Variants in GRM7 observed in about 807,000 individuals in gnomAD.
GRM7 encodes the protein metabotropic glutamate receptor 7.
In GRM7, 35 loss-of-function variants were observed where a neutral mutation model predicts 84.5. The ratio of observed to expected loss-of-function variants is 0.41; its 90% CI spans 0.32 to 0.55. The LOEUF is 0.55. GRM7 is among the 20% of genes least tolerant of loss of function. The pLI, the probability that GRM7 is intolerant of heterozygous loss-of-function variation, is 0.19. For missense variants in GRM7, 1,003 were observed against 1,194.6 expected, an observed-to-expected ratio of 0.84 and a Z score of 2.36; for synonymous variants, 487 against 455.1, an observed-to-expected ratio of 1.07 and a Z score of -0.89.
chr3:6,998,118 T>TTAAAAAAAAAAAA (rs1694884902), intron 1 of GRM7, among the ~76,000 whole-genome samples: 2 of 874 alleles, frequency 2.3e-3, no homozygotes, highest in Admixed American at 0.026. Flanking sequence ...AATCTCCATC[T>TTAAAAAAAAAAAA]CAAAAAAAAA....
chr3:7,418,484 T>C (rs1452062659), intron 5 of GRM7, among the ~76,000 whole-genome samples: 1 of 152,166 alleles, frequency 6.6e-6, no homozygotes, highest in African/African-American at 2.4e-5. Context: ...GATATACACA[T>C]AGTCATCTCT....
intron 7 of GRM7, among the ~76,000 whole-genome samples, chr3:7,481,524 T>A (rs540748483): frequency 1.6e-4 from 25 of 152,344 alleles, no homozygotes; most frequent in African/African-American, 6.0e-4. Flanking sequence ...TAATGACTAT[T>A]AGGCCTGAAG....
chr3:7,411,085 C>G (rs1695917106), intron 4 of GRM7, among the ~76,000 whole-genome samples: 2 of 152,222 alleles, frequency 1.3e-5, no homozygotes, highest in South Asian at 2.1e-4. Context: ...CTCCTTCTCG[C>G]CTTCTCCTGT....
intron 1 of GRM7, among the ~76,000 whole-genome samples, chr3:6,942,361 G>A (rs1697923821): frequency 6.6e-6 from 1 of 152,208 alleles, no homozygotes; most frequent in South Asian, 2.1e-4. Context: ...TGACTTATGT[G>A]TAAATCTGTA....
chr3:7,322,603 T>C (rs201164076), intron 4 of GRM7, among the ~76,000 whole-genome samples: 2 of 150,426 alleles, frequency 1.3e-5, no homozygotes, highest in African/African-American at 4.9e-5. Flanking sequence ...ATCATTCCTA[T>C]GTCTTTGTGT....
chr3:7,439,354 G>T (rs1168810610), intron 5 of GRM7, among the ~76,000 whole-genome samples: 1 of 152,178 alleles, frequency 6.6e-6, no homozygotes. Context: ...GTCCTCTCCT[G>T]TAACGTAGCC....
chr3:6,975,292 A>T (rs1267298592), intron 1 of GRM7, among the ~76,000 whole-genome samples: 1 of 152,200 alleles, frequency 6.6e-6, no homozygotes, highest in East Asian at 1.9e-4. Context: ...GGAGTTGTCA[A>T]ATCCTTTCTT....
chr3:7,161,932 G>C (rs1047954744), intron 2 of GRM7, among the ~76,000 whole-genome samples: 1 of 152,190 alleles, frequency 6.6e-6, no homozygotes, highest in Non-Finnish European at 1.5e-5. Flanking sequence ...AGGGCGAATG[G>C]AGCTGAGATG....
intron 2 of GRM7, among the ~76,000 whole-genome samples, chr3:7,182,894 G>GTTT (rs1461335508): frequency 1.1e-3 from 107 of 97,124 alleles, no homozygotes; most frequent in Non-Finnish European, 1.9e-3. Flanking sequence ...TAACGTGAAA[G>GTTT]TGTTTTTTTT....
At chr3:7,050,432 A>C (rs78854170) in intron 1 of GRM7, among the ~76,000 whole-genome samples, 2,462 of 151,924 alleles carry the variant, frequency 0.016, 64 homozygotes, top group African/African-American at 0.056. Flanking sequence ...CTGGAAACAA[A>C]ATTTAAATCT....
intron 8 of GRM7, among the ~76,000 whole-genome samples, chr3:7,606,629 G>A (rs1415957073): frequency 6.6e-6 from 1 of 152,118 alleles, no homozygotes; most frequent in Non-Finnish European, 1.5e-5. Context: ...TGCCTCCTGG[G>A]TTAAAGCGAT....
intron 4 of GRM7, among the ~76,000 whole-genome samples, chr3:7,345,137 A>G (rs1692831948): frequency 6.6e-6 from 1 of 152,086 alleles, no homozygotes; most frequent in Admixed American, 6.6e-5. Context: ...AAAGAAGCTG[A>G]CCTGTTATAG....
intron 2 of GRM7, among the ~76,000 whole-genome samples, chr3:7,161,055 C>A (rs892601945): frequency 6.6e-6 from 1 of 152,082 alleles, no homozygotes; most frequent in Non-Finnish European, 1.5e-5. Context: ...GGAAAACATT[C>A]TAAAATTAGA....
At chr3:7,029,315 C>CAAAAAAAAAAAAA (rs1207041327) in intron 1 of GRM7, among the ~76,000 whole-genome samples, 5 of 92,824 alleles carry the variant, frequency 5.4e-5, no homozygotes, top group Admixed American at 2.2e-4. Flanking sequence ...AAAAAAAAAA[C>CAAAAAAAAAAAAA]AAAAAAAAAA....
chr3:7,134,112 C>T (rs1304561965), intron 1 of GRM7, among the ~76,000 whole-genome samples: 2 of 152,082 alleles, frequency 1.3e-5, no homozygotes, highest in Non-Finnish European at 2.9e-5. Context: ...GTGCAACTTT[C>T]ATTTTGTAGG....
chr3:7,613,356 A>T (rs1329408389), intron 8 of GRM7, among the ~76,000 whole-genome samples: 1 of 152,230 alleles, frequency 6.6e-6, no homozygotes, highest in South Asian at 2.1e-4. Flanking sequence ...TATGTCATGC[A>T]TATTTCAACA....
intron 1 of GRM7, among the ~76,000 whole-genome samples, chr3:7,112,720 C>G (rs1167592498): frequency 6.6e-6 from 1 of 152,246 alleles, no homozygotes; most frequent in East Asian, 1.9e-4. Flanking sequence ...ATGTGCATGA[C>G]TAGTGGTAAA....
chr3:7,081,532 G>C (rs1214467991), intron 1 of GRM7, among the ~76,000 whole-genome samples: 1 of 152,048 alleles, frequency 6.6e-6, no homozygotes, highest in Non-Finnish European at 1.5e-5. Context: ...ATAATGAAGA[G>C]AGACCAGTTA....
At chr3:6,913,646 G>C (rs771870264) in intron 1 of GRM7, among the ~76,000 whole-genome samples, 18 of 152,078 alleles carry the variant, frequency 1.2e-4, no homozygotes, top group Non-Finnish European at 2.1e-4. Flanking sequence ...AAACCTTTTG[G>C]TTTCATTCTT....
Sources: gnomAD v4.1 joint callset for allele counts (sites outside exome capture counted in the v4.1 genomes callset) on GRCh38, gnomAD v4.1.1 for gene constraint, MANE v1.5 for transcripts, NCBI Gene and HGNC (gene_info 2026-07-23, HGNC 2026-07-21) for gene names.